The following NRXN3 variants were observed in gnomAD, a reference collection of about 807,000 sequenced individuals.
The protein encoded by NRXN3 is neurexin 3, also known as neurexin III.
Under a neutral mutation model 137.6 loss-of-function variants are expected in NRXN3, and 32 were observed. The ratio of observed to expected loss-of-function variants is 0.23; its 90% CI spans 0.18 to 0.31. The LOEUF is 0.31. Among genes scored for constraint, NRXN3 ranks in the 10% least tolerant of loss-of-function variants. NRXN3 has a pLI of 1.00. For synonymous variants in NRXN3, 798 were observed against 784.5 expected (o/e 1.02, Z -0.29); for missense variants, 1,574 against 2,062.5 (o/e 0.76, Z 4.59).
chr14:79,690,218 G>GTACACGTT (rs145752395), intron 17 of NRXN3, among the ~76,000 whole-genome samples: 3,240 of 152,176 alleles, frequency 0.021, 109 homozygotes, highest in African/African-American at 0.075. Flanking sequence ...TTTCAAAAAG[G>GTACACGTT]TACACGTTCT....
At chr14:79,100,578 C>T (rs2051093501) in intron 15 of NRXN3, among the ~76,000 whole-genome samples, 1 of 152,092 alleles carries the variant, frequency 6.6e-6, no homozygotes, top group East Asian at 1.9e-4. Flanking sequence ...AAGAGTTTAA[C>T]AGAAACATAT....
chr14:78,973,751 A>G (rs1390851243), intron 14 of NRXN3, among the ~76,000 whole-genome samples: 2 of 152,156 alleles, frequency 1.3e-5, no homozygotes, highest in African/African-American at 4.8e-5. Context: ...CAAGGGAGGA[A>G]CAAGCATTTT....
At chr14:79,507,025 G>A (rs1282577681) in intron 16 of NRXN3, among the ~76,000 whole-genome samples, 1 of 152,100 alleles carries the variant, frequency 6.6e-6, no homozygotes, top group Non-Finnish European at 1.5e-5. Flanking sequence ...TAAAGGTTCA[G>A]GGCATCAAAC....
At chr14:79,747,473 T>C (rs2098983187) in intron 19 of NRXN3, among the ~76,000 whole-genome samples, 1 of 152,194 alleles carries the variant, frequency 6.6e-6, no homozygotes, top group African/African-American at 2.4e-5. Context: ...TCAGGAAATA[T>C]GGCCCATTTC....
At chr14:78,373,951 T>C (rs71413498) in intron 4 of NRXN3, among the ~76,000 whole-genome samples, 11,016 of 152,270 alleles carry the variant, frequency 0.072, 542 homozygotes, top group African/African-American at 0.13. Context: ...ATATTGGTTT[T>C]TATTTTGTGC....
chr14:78,976,675 T>C (rs2099467816), intron 14 of NRXN3, among the ~76,000 whole-genome samples: 1 of 152,134 alleles, frequency 6.6e-6, no homozygotes, highest in Non-Finnish European at 1.5e-5. Flanking sequence ...TTGTGGAAAA[T>C]AATAAGAGAG....
At chr14:79,758,845 A>G (rs1323898213) in intron 19 of NRXN3, among the ~76,000 whole-genome samples, 1 of 152,140 alleles carries the variant, frequency 6.6e-6, no homozygotes, top group Non-Finnish European at 1.5e-5. Flanking sequence ...TTACCTCTCA[A>G]GGTTTGGTTT....
chr14:79,138,554 AC>A (rs1171692418), intron 15 of NRXN3, among the ~76,000 whole-genome samples: 1 of 152,224 alleles, frequency 6.6e-6, no homozygotes, highest in Non-Finnish European at 1.5e-5. Context: ...GAAGTGTGAA[AC>A]TTTGTAGGCT....
At chr14:79,436,748 G>A (rs1213619075) in intron 15 of NRXN3, among the ~76,000 whole-genome samples, 3 of 152,146 alleles carry the variant, frequency 2.0e-5, no homozygotes, top group Admixed American at 6.5e-5. Flanking sequence ...GCAACAGTGA[G>A]GACTGCAGGT....
chr14:78,470,410 C>T (rs1265563713), intron 4 of NRXN3, among the ~76,000 whole-genome samples: 4 of 151,808 alleles, frequency 2.6e-5, no homozygotes, highest in African/African-American at 9.7e-5. Flanking sequence ...AAATATTATA[C>T]TTAGAGGAGA....
chr14:79,569,331 G>A (rs2097576416), intron 16 of NRXN3, among the ~76,000 whole-genome samples: 1 of 152,044 alleles, frequency 6.6e-6, no homozygotes, highest in Admixed American at 6.6e-5. Flanking sequence ...TCATTGCCTT[G>A]TTCACTTGCA....
chr14:79,381,952 A>C (rs760703679), intron 15 of NRXN3, among the ~76,000 whole-genome samples: 4 of 152,290 alleles, frequency 2.6e-5, no homozygotes, highest in Non-Finnish European at 4.4e-5. Context: ...AATGAATATT[A>C]ACACTCCTTG....
intron 4 of NRXN3, among the ~76,000 whole-genome samples, chr14:78,634,781 T>C (rs1272334339): frequency 6.6e-6 from 1 of 152,192 alleles, no homozygotes; most frequent in Non-Finnish European, 1.5e-5. Flanking sequence ...TTATTCTTGT[T>C]ACATACAAAT....
intron 4 of NRXN3, among the ~76,000 whole-genome samples, chr14:78,464,112 G>A (rs2095022983): frequency 6.7e-6 from 1 of 149,544 alleles, no homozygotes; most frequent in Non-Finnish European, 1.5e-5. Flanking sequence ...GAGTGCAATG[G>A]TATGATCTCA....
intron 14 of NRXN3, among the ~76,000 whole-genome samples, chr14:78,983,640 C>T (rs192100308): frequency 0.015 from 2,351 of 151,944 alleles, 30 homozygotes; most frequent in Admixed American, 0.046. Flanking sequence ...AGGTAGATCA[C>T]GAGGTCAAGA....
intron 19 of NRXN3, among the ~76,000 whole-genome samples, chr14:79,723,556 T>A (rs937910740): frequency 6.6e-6 from 1 of 152,132 alleles, no homozygotes; most frequent in Non-Finnish European, 1.5e-5. Context: ...CCTTCCCCTT[T>A]GTTTTCTCCT....
intron 6 of NRXN3, among the ~76,000 whole-genome samples, chr14:78,692,030 A>G (rs1215259672): frequency 6.6e-6 from 1 of 152,160 alleles, no homozygotes; most frequent in African/African-American, 2.4e-5. Flanking sequence ...TATAAATTTA[A>G]TTATGTACTA....
At chr14:78,379,528 G>T (rs1036900717) in intron 4 of NRXN3, among the ~76,000 whole-genome samples, 1 of 152,172 alleles carries the variant, frequency 6.6e-6, no homozygotes, top group African/African-American at 2.4e-5. Context: ...TATATCAATT[G>T]ATGCAGAAAA....
intron 15 of NRXN3, among the ~76,000 whole-genome samples, chr14:79,023,613 G>A (rs146641512): frequency 6.6e-6 from 1 of 152,054 alleles, no homozygotes; most frequent in Non-Finnish European, 1.5e-5. Context: ...GTTCTGCATT[G>A]CTGGGAAAGC....
Sources: allele counts gnomAD v4.1 joint callset (sites outside exome capture counted in the v4.1 genomes callset), GRCh38; gene constraint gnomAD v4.1.1; transcripts MANE v1.5; gene names NCBI Gene and HGNC (gene_info 2026-07-23, HGNC 2026-07-21).